The following MAML2 variants were observed in gnomAD, a reference collection of about 807,000 sequenced individuals.
MAML2 encodes the protein mastermind-like protein 2.
MAML2 carries 22 observed loss-of-function variants against 96.1 expected under a neutral mutation model. That is an observed-to-expected ratio of 0.23 (90% CI 0.16 to 0.33). The LOEUF (loss-of-function observed/expected upper bound fraction) is 0.33, where lower values mean the gene tolerates loss of function less well. Ranked by LOEUF, MAML2 falls within the 10% of genes least tolerant of loss-of-function variation. MAML2 has a pLI of 1.00. For synonymous variants in MAML2, 561 were observed against 521.3 expected, an observed-to-expected ratio of 1.08 and a Z score of -1.04; for missense variants, 1,367 against 1,392.4, an observed-to-expected ratio of 0.98 and a Z score of 0.29.
chr11:96,076,417 GTCTCTC>G (rs536256864), intron 2 of MAML2, among the ~76,000 whole-genome samples: 19 of 113,646 alleles, frequency 1.7e-4, no homozygotes, highest in African/African-American at 5.1e-4. Context: ...GCTCTCTTTT[GTCTCTC>G]TCTCTCTCTC....
At chr11:96,049,860 C>T (rs1006016252) in intron 2 of MAML2, among the ~76,000 whole-genome samples, 5 of 152,136 alleles carry the variant, frequency 3.3e-5, no homozygotes, top group Non-Finnish European at 4.4e-5. Context: ...TTTAGTGGTT[C>T]TCACTGGTCA....
intron 1 of MAML2, among the ~76,000 whole-genome samples, chr11:96,192,014 G>A (rs1202275443): frequency 1.3e-5 from 2 of 152,154 alleles, no homozygotes; most frequent in Non-Finnish European, 2.9e-5. Flanking sequence ...CTTTCCAACT[G>A]GGTAGTATAC....
At chr11:96,000,970 T>G (rs1162252953) in intron 2 of MAML2, among the ~76,000 whole-genome samples, 1 of 152,216 alleles carries the variant, frequency 6.6e-6, no homozygotes, top group Non-Finnish European at 1.5e-5. Flanking sequence ...TGGTTTAGTA[T>G]TCTTCTTTCC....
chr11:96,008,222 T>C (rs915104908), intron 2 of MAML2, among the ~76,000 whole-genome samples: 12 of 105,906 alleles, frequency 1.1e-4, no homozygotes, highest in Admixed American at 2.2e-4. Flanking sequence ...TCCTCAGCAA[T>C]TTGGGTAGGT....
At chr11:96,042,911 A>AT (rs1858840142) in intron 2 of MAML2, among the ~76,000 whole-genome samples, 2 of 151,728 alleles carry the variant, frequency 1.3e-5, no homozygotes, top group Non-Finnish European at 2.9e-5. Context: ...CACCCGGCTA[A>AT]TTTTTTGTAT....
At chr11:96,330,709 G>T (rs1211001772) in intron 1 of MAML2, among the ~76,000 whole-genome samples, 1 of 152,140 alleles carries the variant, frequency 6.6e-6, no homozygotes, top group African/African-American at 2.4e-5. Flanking sequence ...TTAGAGTCGG[G>T]GCACCTTGGT....
At chr11:96,177,533 T>C (rs1357237485) in intron 1 of MAML2, among the ~76,000 whole-genome samples, 2 of 152,224 alleles carry the variant, frequency 1.3e-5, no homozygotes, top group African/African-American at 2.4e-5. Flanking sequence ...CAATGTTTAA[T>C]ACTAAAAATC....
At position 96,299,064 on chromosome 11, in the gene MAML2, T is replaced by TATATATATATATATAC. The variant is rs1863349997; in HGVS notation, c.513+42318_513+42319insGTATATATATATATAT. On this transcript the variant is annotated intron_variant, in intron 1 of 4. Coordinates refer to ENST00000524717, the MANE Select transcript of MAML2 (RefSeq NM_032427.4). ...CATCTCAAAAAAAAAAAAAAAAATA[T>TATATATATATATATAC]ATATATATATATATATAAAATTTCA... is the stretch of plus-strand genomic sequence containing the variant. Among the ~76,000 whole-genome samples, 3 of 126,250 alleles carry TATATATATATATATAC rather than the reference T, an allele frequency of 2.4e-5. No homozygotes were observed. In the Admixed American group the frequency reaches 2.4e-4, roughly 10 times the overall value. The allele number at this position is 126,250 out of a possible 152,430, so 82.8% of individuals were successfully genotyped here. A position where few individuals can be genotyped will look rare whatever the true frequency, so the allele number is the denominator to read the frequency against.
chr11:96,340,663 T>G (rs1380510142), intron 1 of MAML2, among the ~76,000 whole-genome samples: 1 of 152,202 alleles, frequency 6.6e-6, no homozygotes. Flanking sequence ...TTCGTGCCTG[T>G]CTGCTTAACG....
At chr11:96,155,465 C>T (rs2135882557) in intron 1 of MAML2, among the ~76,000 whole-genome samples, 1 of 138,214 alleles carries the variant, frequency 7.2e-6, no homozygotes, top group Non-Finnish European at 1.5e-5. Flanking sequence ...GCCCTATTTT[C>T]CTCTAAACAA....
At chr11:96,260,883 T>G (rs1234513951) in intron 1 of MAML2, among the ~76,000 whole-genome samples, 1 of 152,244 alleles carries the variant, frequency 6.6e-6, no homozygotes, top group Middle Eastern at 3.2e-3. Context: ...TTTTTTTGTT[T>G]TGTTTCGTTT....
intron 2 of MAML2, among the ~76,000 whole-genome samples, chr11:96,059,367 A>G (rs774919887): frequency 3.9e-5 from 6 of 152,212 alleles, no homozygotes; most frequent in South Asian, 2.1e-4. Context: ...TAAAAAATCA[A>G]TCTGGATTGT....
Position 96,190,010 on chromosome 11 carries a change from A to T in MAML2, c.514-96493T>A, listed in dbSNP as rs76099644. Among the ~76,000 whole-genome samples the T allele has an allele frequency of 4.2e-3, 635 of 152,236 alleles. 12 individuals carry two copies. Among genetic ancestry groups the T allele is most frequent in the East Asian group, 0.027 (139 of 5,180 alleles). On this transcript the variant is annotated intron_variant, in intron 1 of 4. Coordinates refer to ENST00000524717, the MANE Select transcript of MAML2 (RefSeq NM_032427.4). ...AAAAAATCTTAATTCCTATTTTTTT[A>T]CTCCCTTTTTCAAGGAATGATTTCA...
intron 1 of MAML2, among the ~76,000 whole-genome samples, chr11:96,250,103 C>A (rs911208503): frequency 1.8e-4 from 28 of 152,118 alleles, no homozygotes; most frequent in African/African-American, 6.8e-4. Context: ...TCCTGCAGGC[C>A]CGCTCTGCAT....
In MAML2 at chr11:95,978,691, C is replaced by A. The variant is rs1336396752; in HGVS notation, c.*257G>T. ...TTAATTACACATTGACACCACAGTT[C>A]TGTTTGGATAAATTGGATACTGTAT... On this transcript the variant is annotated 3_prime_UTR_variant, in exon 5 of 5. Coordinates refer to ENST00000524717, the MANE Select transcript of MAML2 (RefSeq NM_032427.4). 4.6e-6 allele frequency: 2 copies of A among 435,474 alleles called. No homozygotes were observed. Among genetic ancestry groups the A allele is most frequent in the South Asian group, 4.3e-5 (1 of 23,508 alleles). 27.0% of individuals were successfully genotyped at this position (435,474 alleles called of 1,614,324 possible). A position where few individuals can be genotyped will look rare whatever the true frequency, so the allele number is the denominator to read the frequency against.
At chr11:96,093,579 TA>T (rs1716636869) in intron 1 of MAML2, 62 bp from the exon 2 acceptor site, 6 of 1,159,930 alleles carry the variant, frequency 5.2e-6, no homozygotes, top group African/African-American at 1.5e-5. Flanking sequence ...ATGCTTCTCA[TA>T]AAAAGTGATG....
intron 2 of MAML2, among the ~76,000 whole-genome samples, chr11:96,084,471 T>A (rs1030161590): frequency 1.3e-5 from 2 of 152,246 alleles, no homozygotes; most frequent in Admixed American, 1.3e-4. Context: ...ATCCAGAGAC[T>A]GGGGGATGTG....
intron 1 of MAML2, among the ~76,000 whole-genome samples, chr11:96,199,348 C>T (rs1861782752): frequency 6.6e-6 from 1 of 152,064 alleles, no homozygotes; most frequent in African/African-American, 2.4e-5. Flanking sequence ...GCAGAAGAGA[C>T]GGAACGTGGA....
intron 1 of MAML2, among the ~76,000 whole-genome samples, chr11:96,263,085 A>G (rs1028355794): frequency 6.6e-6 from 1 of 152,248 alleles, no homozygotes; most frequent in African/African-American, 2.4e-5. Context: ...ACAGCATGAC[A>G]TTGTAATATC....
Sources: gnomAD v4.1 joint callset for allele counts (sites outside exome capture counted in the v4.1 genomes callset) on GRCh38, gnomAD v4.1.1 for gene constraint, MANE v1.5 for transcripts, NCBI Gene and HGNC (gene_info 2026-07-23, HGNC 2026-07-21) for gene names.